Variants in SUMO2 observed in about 807,000 individuals in gnomAD.
SUMO2 encodes small ubiquitin-related modifier 2.
SUMO2 carries 1 observed loss-of-function variant against 16.0 expected under a neutral mutation model. The observed-to-expected ratio is 0.06, with a 90% CI of 0.02 to 0.30. The LOEUF (loss-of-function observed/expected upper bound fraction) is 0.30, where lower values mean the gene tolerates loss of function less well. Ranked by LOEUF, SUMO2 falls within the 10% of genes least tolerant of loss-of-function variation. The probability of loss-of-function intolerance (pLI) is 1.00; values close to 1 mark genes in which losing one functional copy is unlikely to be tolerated. For synonymous variants in SUMO2, 36 were observed against 40.6 expected (o/e 0.89, Z 0.43); for missense variants, 16 against 117.5 (o/e 0.14, Z 3.99).
intron 3 of SUMO2, among the ~76,000 whole-genome samples, chr17:75,169,530 C>A (rs1320294156): frequency 1.3e-5 from 2 of 151,742 alleles, no homozygotes; most frequent in African/African-American, 2.4e-5. Flanking sequence ...ACTACAGGTG[C>A]CCGCCACAAC....
At chr17:75,178,297 C>T (rs954421602) in intron 2 of SUMO2, among the ~76,000 whole-genome samples, 1 of 151,982 alleles carries the variant, frequency 6.6e-6, no homozygotes, top group Non-Finnish European at 1.5e-5. Flanking sequence ...AGGCGGATCA[C>T]GAGGTCAAGA....
chr17:75,168,998 T>C (rs925949443), intron 3 of SUMO2, among the ~76,000 whole-genome samples: 8 of 150,888 alleles, frequency 5.3e-5, no homozygotes, highest in African/African-American at 2.0e-4. Context: ...CATTGGAGGA[T>C]TGCTTGAGCC....
chr17:75,172,046 A>T (rs1033532380), intron 3 of SUMO2, among the ~76,000 whole-genome samples: 1 of 143,922 alleles, frequency 6.9e-6, no homozygotes, highest in African/African-American at 2.6e-5. Context: ...TCACTCTTTC[A>T]CCCAAGCTAG....
intron 3 of SUMO2, among the ~76,000 whole-genome samples, chr17:75,173,713 G>A (rs540213222): frequency 1.3e-5 from 2 of 152,236 alleles, no homozygotes; most frequent in African/African-American, 2.4e-5. Context: ...CTGGACTCAA[G>A]TGCTCCGCCC....
chr17:75,176,595 G>A (rs532873832), intron 2 of SUMO2, among the ~76,000 whole-genome samples: 1 of 150,752 alleles, frequency 6.6e-6, no homozygotes, highest in East Asian at 2.0e-4. Context: ...CAGCCTGGGT[G>A]ACAGACCAGA....
At chr17:75,170,106 GGT>G (rs2145216244) in intron 3 of SUMO2, among the ~76,000 whole-genome samples, 1 of 150,314 alleles carries the variant, frequency 6.7e-6, no homozygotes, top group East Asian at 2.0e-4. Context: ...GAACCCAGGA[GGT>G]GGAGGTTGCA....
At chr17:75,172,353 G>A (rs943391854) in intron 3 of SUMO2, among the ~76,000 whole-genome samples, 1 of 142,538 alleles carries the variant, frequency 7.0e-6, no homozygotes, top group Non-Finnish European at 1.5e-5. Context: ...TGAGACAGGG[G>A]CTGTTACCCA....
chr17:75,182,155 T>A (rs2074833872), intron 1 of SUMO2, among the ~76,000 whole-genome samples: 1 of 152,048 alleles, frequency 6.6e-6, no homozygotes, highest in Non-Finnish European at 1.5e-5. Flanking sequence ...TGTTCGCGGA[T>A]TAGGGGTTCG....
intron 2 of SUMO2, among the ~76,000 whole-genome samples, chr17:75,176,096 G>A (rs2074780595): frequency 6.6e-6 from 1 of 151,706 alleles, no homozygotes; most frequent in Non-Finnish European, 1.5e-5. Context: ...GCTGGAGTGA[G>A]TGGAACAATC....
At chr17:75,175,201 T>C (rs1325965459) in intron 2 of SUMO2, among the ~76,000 whole-genome samples, 1 of 152,172 alleles carries the variant, frequency 6.6e-6, no homozygotes, top group Admixed American at 6.6e-5. Context: ...CAGGCTGGTC[T>C]CGAACTCCTA....
intron 3 of SUMO2, among the ~76,000 whole-genome samples, chr17:75,169,055 C>CA (rs1205746665): frequency 0.04 from 2,580 of 63,798 alleles, 70 homozygotes; most frequent in African/African-American, 0.12. Flanking sequence ...AACATCTCTA[C>CA]AAAAAAAAAA....
intron 2 of SUMO2, among the ~76,000 whole-genome samples, chr17:75,177,908 G>A (rs1224255403): frequency 7.1e-6 from 1 of 140,292 alleles, no homozygotes; most frequent in South Asian, 2.4e-4. Context: ...AGAATTGCTT[G>A]AACCCGGGAG....
At position 75,168,012 on chromosome 17, in the gene SUMO2, A is replaced by C; in HGVS notation, c.*327T>G. The C allele has an allele frequency of 4.9e-6, 1 of 202,532 alleles. No homozygotes were observed. The highest frequency in any genetic ancestry group is 9.9e-6 in the Non-Finnish European group (1 of 100,962). 12.5% of individuals were successfully genotyped at this position (202,532 alleles called of 1,614,324 possible). Reference sequence around the variant, plus strand: ...AGCAAAATAACTTACTGGAATATAAAGATAAGAGCTGAATGAGCATGCCAC... The same window carrying C: ...AGCAAAATAACTTACTGGAATATAACGATAAGAGCTGAATGAGCATGCCAC... On this transcript the variant is annotated 3_prime_UTR_variant, in exon 4 of 4. Coordinates refer to ENST00000420826, the MANE Select transcript of SUMO2 (RefSeq NM_006937.4).
intron 2 of SUMO2, among the ~76,000 whole-genome samples, chr17:75,180,016 T>C (rs1230072685): frequency 6.6e-6 from 1 of 152,146 alleles, no homozygotes; most frequent in Admixed American, 6.6e-5. Flanking sequence ...TACATAGGTT[T>C]AAGCCTTATT....
chr17:75,168,291 T>C lies in SUMO2; in HGVS notation c.*48A>G. ...CAGTTTTCTAATTGAGAATGTAATC[T>C]TGGTCTTTAAAGAACAGAGTTCTGG... On this transcript the variant is annotated 3_prime_UTR_variant, in exon 4 of 4. Transcript: ENST00000420826. The C allele has an allele frequency of 1.4e-6, 2 of 1,408,738 alleles. No individual in the cohort carries two copies. The highest frequency in any genetic ancestry group is 1.9e-6 in the Non-Finnish European group (2 of 1,032,886). 87.3% of individuals were successfully genotyped at this position (1,408,738 alleles called of 1,614,324 possible). A position where few individuals can be genotyped will look rare whatever the true frequency, so the allele number is the denominator to read the frequency against.
rs187956403 is a variant in SUMO2 at position 75,179,710 on chromosome 17, A to G, written c.153+1347T>C. Among the ~76,000 whole-genome samples the G allele has an allele frequency of 4.0e-4, 61 of 150,956 alleles. 2 individuals carry two copies. The East Asian group carries it at 0.01, about 26-fold the overall frequency. On this transcript the variant is annotated intron_variant, in intron 2 of 3. Coordinates refer to ENST00000420826, the MANE Select transcript of SUMO2 (RefSeq NM_006937.4). ...GCTCTCGCTCTGTCACCCAGGCTAG[A>G]GTGCAGTGGTGTGATCTTGGCTCAC...
At chr17:75,176,006 G>A (rs2074779697) in intron 2 of SUMO2, among the ~76,000 whole-genome samples, 1 of 151,638 alleles carries the variant, frequency 6.6e-6, no homozygotes, top group Admixed American at 6.6e-5. Context: ...AACATACCTT[G>A]AGACAAATAT....
chr17:75,166,502 A>C lies in SUMO2; in HGVS notation c.*1837T>G, dbSNP rs1432220204. The stretch of plus-strand genomic sequence containing the variant: ...AAAATAAACATTTTTAAAAAATTAA[A>C]AAGGGGCTGGGCATAGTGGCTCACG... On this transcript the variant is annotated 3_prime_UTR_variant, in exon 4 of 4. Coordinates refer to ENST00000420826, the MANE Select transcript of SUMO2 (RefSeq NM_006937.4). The C allele has an allele frequency of 1.3e-5, 2 of 152,148 alleles. No homozygotes were observed. Among genetic ancestry groups the C allele is most frequent in the Non-Finnish European group, 2.9e-5 (2 of 68,106 alleles). The allele number at this position is 152,148 out of a possible 1,614,324, so 9.4% of individuals were successfully genotyped here. A position where few individuals can be genotyped will look rare whatever the true frequency, so the allele number is the denominator to read the frequency against.
At chr17:75,180,515 C>T (rs1334066773) in intron 2 of SUMO2, among the ~76,000 whole-genome samples, 2 of 149,154 alleles carry the variant, frequency 1.3e-5, no homozygotes, top group Admixed American at 6.8e-5. Flanking sequence ...GAGTTTGGAA[C>T]CAGCCTAGCC....
Sources: gnomAD v4.1 joint callset for allele counts (sites outside exome capture counted in the v4.1 genomes callset) on GRCh38, gnomAD v4.1.1 for gene constraint, MANE v1.5 for transcripts, NCBI Gene and HGNC (gene_info 2026-07-23, HGNC 2026-07-21) for gene names.